Variants in MIPOL1 observed in about 807,000 individuals in gnomAD.
MIPOL1 encodes mirror-image polydactyly 1, also known as mirror-image polydactyly gene 1 protein.
A neutral mutation model predicts 60.9 loss-of-function variants in MIPOL1; 57 were observed. The ratio of observed to expected loss-of-function variants is 0.94; its 90% CI spans 0.76 to 1.17. The LOEUF is 1.17. Ranked by LOEUF, MIPOL1 falls within the 50% of genes most tolerant of loss-of-function variation. MIPOL1 has a pLI of 0.00. For missense variants in MIPOL1, 551 were observed against 511.6 expected, an observed-to-expected ratio of 1.08 and a Z score of -0.74; for synonymous variants, 179 against 168.8, an observed-to-expected ratio of 1.06 and a Z score of -0.47.
intron 11 of MIPOL1, among the ~76,000 whole-genome samples, chr14:37,456,532 A>G (rs1221867094): frequency 2.6e-5 from 4 of 152,142 alleles, no homozygotes; most frequent in Non-Finnish European, 2.9e-5. Flanking sequence ...CATCATTGCT[A>G]TCTTGCCGTA....
At chr14:37,456,340 C>T (rs2094476152) in intron 11 of MIPOL1, among the ~76,000 whole-genome samples, 1 of 151,970 alleles carries the variant, frequency 6.6e-6, no homozygotes, top group African/African-American at 2.4e-5. Flanking sequence ...GTATATTCCC[C>T]AGATGAAGAA....
At chr14:37,458,657 A>T (rs2094503873) in intron 11 of MIPOL1, among the ~76,000 whole-genome samples, 1 of 146,336 alleles carries the variant, frequency 6.8e-6, no homozygotes. Context: ...CGTCTCTACT[A>T]AAAAAAAAAT....
chr14:37,424,630 A>C (rs1243040314), intron 11 of MIPOL1, among the ~76,000 whole-genome samples: 1 of 152,206 alleles, frequency 6.6e-6, no homozygotes, highest in Non-Finnish European at 1.5e-5. Context: ...CTTGGAAACT[A>C]ATGCAGTTAT....
intron 12 of MIPOL1, among the ~76,000 whole-genome samples, chr14:37,526,097 A>C (rs150639619): frequency 2.6e-5 from 4 of 152,282 alleles, no homozygotes; most frequent in African/African-American, 9.6e-5. Flanking sequence ...AGAATCACCA[A>C]AAATGTGATA....
At chr14:37,279,800 C>T (rs1227305775) in intron 6 of MIPOL1, among the ~76,000 whole-genome samples, 1 of 152,044 alleles carries the variant, frequency 6.6e-6, no homozygotes, top group African/African-American at 2.4e-5. Flanking sequence ...GTGATAAGGA[C>T]ATTTAAAATG....
chr14:37,539,552 A>T (rs2095521403), intron 12 of MIPOL1, among the ~76,000 whole-genome samples: 1 of 152,216 alleles, frequency 6.6e-6, no homozygotes, highest in Non-Finnish European at 1.5e-5. Flanking sequence ...TAAAAACACT[A>T]GACATGCCGA....
chr14:37,459,735 C>T (rs546058593), intron 11 of MIPOL1, among the ~76,000 whole-genome samples: 27 of 152,150 alleles, frequency 1.8e-4, no homozygotes, highest in African/African-American at 5.3e-4. Flanking sequence ...AACTACAGGC[C>T]AACATCCCTA....
At chr14:37,442,479 C>T (rs1478394960) in intron 11 of MIPOL1, among the ~76,000 whole-genome samples, 2 of 151,860 alleles carry the variant, frequency 1.3e-5, no homozygotes, top group Admixed American at 1.3e-4. Context: ...CAATTTTTGC[C>T]CATTCGGTAT....
chr14:37,425,697 ATTTC>A (rs2093949325), intron 11 of MIPOL1, among the ~76,000 whole-genome samples: 1 of 152,204 alleles, frequency 6.6e-6, no homozygotes, highest in Admixed American at 6.5e-5. Context: ...GTTAAGATAT[ATTTC>A]TTTTTAAAAC....
rs901190710 is a variant in MIPOL1 at position 37,267,130 on chromosome 14, C to T, written c.212C>T (p.Pro71Leu). Residue 71 changes from proline (P) to leucine (L), a missense_variant, in exon 4 of 13, where the codon CCA becomes CTA. By Grantham distance (98) the Pro-to-Leu change is moderately conservative. Coordinates refer to ENST00000684589, the MANE Select transcript of MIPOL1 (RefSeq NM_001388067.1). ...AATTTTCAGATCATCAGTTCTTATC[C>T]AGATGATGAGTCTGTTTACTGCACT... ...STNFQIISSY[P>L]DDESVYCTTE... 3.1e-6 allele frequency: 5 copies of T among 1,613,490 alleles called. No individual in the cohort carries two copies. Among genetic ancestry groups the T allele is most frequent in the Non-Finnish European group, 4.2e-6 (5 of 1,179,848 alleles).
At chr14:37,294,563 A>G (rs1157400965) in intron 7 of MIPOL1, among the ~76,000 whole-genome samples, 1 of 152,180 alleles carries the variant, frequency 6.6e-6, no homozygotes, top group Non-Finnish European at 1.5e-5. Context: ...ACTTTGAAAA[A>G]AAATTAGACG....
intron 12 of MIPOL1, chr14:37,506,603 G>T (rs2095278630): frequency 6.6e-6 from 1 of 152,052 alleles, no homozygotes; most frequent in Non-Finnish European, 1.5e-5. Flanking sequence ...AATTCAAGAT[G>T]AATTAAAAAC....
chr14:37,229,361 G>A (rs1970268180), intron 1 of MIPOL1, among the ~76,000 whole-genome samples: 1 of 152,050 alleles, frequency 6.6e-6, no homozygotes, highest in South Asian at 2.1e-4. Flanking sequence ...GCTTATGCTG[G>A]TCTCAAACTC....
intron 11 of MIPOL1, among the ~76,000 whole-genome samples, chr14:37,431,577 T>TTTC (rs2094067850): frequency 9.3e-6 from 1 of 107,402 alleles, no homozygotes; most frequent in Non-Finnish European, 1.9e-5. Context: ...TTCTTTTTTT[T>TTTC]TTTTTTTTTT....
intron 9 of MIPOL1, among the ~76,000 whole-genome samples, chr14:37,313,256 T>C (rs140322248): frequency 1.3e-5 from 2 of 152,276 alleles, no homozygotes; most frequent in African/African-American, 4.8e-5. Flanking sequence ...CAGAAAATTA[T>C]TGAACTAGCC....
chr14:37,291,245 A>G (rs998241404), intron 7 of MIPOL1, among the ~76,000 whole-genome samples: 1 of 152,048 alleles, frequency 6.6e-6, no homozygotes, highest in Non-Finnish European at 1.5e-5. Flanking sequence ...TAGGTCTACA[A>G]ATGTTTTGGT....
At chr14:37,210,639 G>C (rs1465203754) in intron 1 of MIPOL1, among the ~76,000 whole-genome samples, 1 of 152,126 alleles carries the variant, frequency 6.6e-6, no homozygotes, top group African/African-American at 2.4e-5. Context: ...ATGAAATAGG[G>C]ATATGGAGAA....
chr14:37,536,855 A>C (rs2153638791), intron 12 of MIPOL1, among the ~76,000 whole-genome samples: 1 of 152,298 alleles, frequency 6.6e-6, no homozygotes, highest in African/African-American at 2.4e-5. Context: ...TAATTTTCTA[A>C]GCTTCATTTC....
chr14:37,546,358 A>G (rs536682075), intron 12 of MIPOL1, among the ~76,000 whole-genome samples: 107 of 152,252 alleles, frequency 7.0e-4, no homozygotes, highest in African/African-American at 2.5e-3. Flanking sequence ...AATTATTTCC[A>G]TGCTACTGTA....
Sources: allele counts gnomAD v4.1 joint callset (sites outside exome capture counted in the v4.1 genomes callset), GRCh38; gene constraint gnomAD v4.1.1; transcripts MANE v1.5; gene names NCBI Gene and HGNC (gene_info 2026-07-23, HGNC 2026-07-21).